SNCB: variants seen among roughly 807,000 people sequenced by gnomAD.
SNCB encodes synuclein beta.
SNCB carries 8 observed loss-of-function variants against 20.0 expected under a neutral mutation model. The ratio of observed to expected loss-of-function variants is 0.40; its 90% CI spans 0.24 to 0.72. The LOEUF is 0.72. Among genes scored for constraint, SNCB ranks in the 30% least tolerant of loss-of-function variants. SNCB has a pLI of 0.37. For synonymous variants in SNCB, 56 were observed against 65.4 expected, an observed-to-expected ratio of 0.86 and a Z score of 0.69; for missense variants, 125 against 168.0, an observed-to-expected ratio of 0.74 and a Z score of 1.41.
chr5:176,622,421 C>G (rs1254813827), intron 4 of SNCB, among the ~76,000 whole-genome samples: 3 of 152,070 alleles, frequency 2.0e-5, no homozygotes, highest in Non-Finnish European at 2.9e-5. Flanking sequence ...ACCCGGGAGG[C>G]GGAGTTTGCA....
rs746495416 is a variant in SNCB at position 176,629,453 on chromosome 5, C to G, written c.121+81G>C. On this transcript the variant is annotated intron_variant, in intron 2 of 5. Coordinates refer to ENST00000393693, the MANE Select transcript of SNCB (RefSeq NM_003085.5). The surrounding 1 kb of genome is among the most constrained non-coding windows in gnomAD (Gnocchi z 4.1). The stretch of plus-strand genomic sequence containing the variant: ...CTCATATTCTCCTGCCCAGAACCCC[C>G]CTCCCCGGGACCCGGCCCCAGCTCC... 2 of 1,497,798 alleles carry G rather than the reference C, an allele frequency of 1.3e-6. No individual in the cohort carries two copies. The highest frequency in any genetic ancestry group is 2.8e-5 in the African/African-American group (2 of 72,406). The allele number at this position is 1,497,798 out of a possible 1,614,324, so 92.8% of individuals were successfully genotyped here. A position where few individuals can be genotyped will look rare whatever the true frequency, so the allele number is the denominator to read the frequency against.
chr5:176,621,437 G>T lies in SNCB; in HGVS notation c.283-134C>A. 1 of 742,532 alleles carries T rather than the reference G, an allele frequency of 1.3e-6. No homozygotes were observed. The highest frequency in any genetic ancestry group is 2.4e-6 in the Non-Finnish European group (1 of 417,162). The allele number at this position is 742,532 out of a possible 1,614,324, so 46.0% of individuals were successfully genotyped here. A position where few individuals can be genotyped will look rare whatever the true frequency, so the allele number is the denominator to read the frequency against. On this transcript the variant is annotated intron_variant, in intron 4 of 5. Coordinates refer to ENST00000393693, the MANE Select transcript of SNCB (RefSeq NM_003085.5). The surrounding 1 kb of genome is among the most constrained non-coding windows in gnomAD (Gnocchi z 4.1). ...CAGAGCAAGGATAATTTCTAATTCA[G>T]TTATTTATTTGGAGTGCCTTGGAAG...
chr5:176,626,288 G>A lies in SNCB; in HGVS notation c.282+110C>T, dbSNP rs1759936007. 4 of 851,996 alleles carry A rather than the reference G, an allele frequency of 4.7e-6. No individual in the cohort carries two copies. The highest frequency in any genetic ancestry group is 1.7e-5 in the Admixed American group (1 of 58,496). 52.8% of individuals were successfully genotyped at this position (851,996 alleles called of 1,614,324 possible). A position where few individuals can be genotyped will look rare whatever the true frequency, so the allele number is the denominator to read the frequency against. ...AAAGTGGCTTGTGTTCCAAGCTGGT[G>A]GCAGGATTAGGGGGGCGGGGATGGT... is the stretch of plus-strand genomic sequence containing the variant. On this transcript the variant is annotated intron_variant, in intron 4 of 5. Coordinates refer to ENST00000393693, the MANE Select transcript of SNCB (RefSeq NM_003085.5). The surrounding 1 kb of genome is among the most constrained non-coding windows in gnomAD (Gnocchi z 4.2).
chr5:176,626,638 C>G lies in SNCB; in HGVS notation c.163+82G>C. The G allele has an allele frequency of 2.6e-6, 4 of 1,560,370 alleles. No homozygotes were observed. Among genetic ancestry groups the G allele is most frequent in the Non-Finnish European group, 2.7e-6 (3 of 1,131,298 alleles). On this transcript the variant is annotated intron_variant, in intron 3 of 5. Coordinates refer to ENST00000393693, the MANE Select transcript of SNCB (RefSeq NM_003085.5). The surrounding 1 kb of genome is among the most constrained non-coding windows in gnomAD (Gnocchi z 4.2). ...GCATTCCCGCAGAAGCCTTGGGAGT[C>G]TCCCCCGCCCCCGCCCTCTGGTTCC...
At position 176,629,369 on chromosome 5, in the gene SNCB, G is replaced by A. The variant is rs571557314; in HGVS notation, c.121+165C>T. 2.1e-5 allele frequency: 15 copies of A among 718,174 alleles called. No homozygotes were observed. In the African/African-American group the frequency reaches 2.5e-4, roughly 12 times the overall value. The allele number at this position is 718,174 out of a possible 1,614,324, so 44.5% of individuals were successfully genotyped here. ...GTCCCCATTTCCGGATACAGACCCAGGCTTCTATGGGCTGGCTATGTCCCC... is the reference window on the plus strand; with the variant it reads ...GTCCCCATTTCCGGATACAGACCCAAGCTTCTATGGGCTGGCTATGTCCCC... On this transcript the variant is annotated intron_variant, in intron 2 of 5. Coordinates refer to ENST00000393693, the MANE Select transcript of SNCB (RefSeq NM_003085.5). This position sits in a 1 kb window ranked among gnomAD's most constrained non-coding sequence, Gnocchi z 4.1.
Position 176,620,795 on chromosome 5 carries a change from G to T in SNCB, c.*16C>A, listed in dbSNP as rs751914853. On this transcript the variant is annotated 3_prime_UTR_variant, in exon 6 of 6. Transcript: ENST00000393693. The surrounding 1 kb of genome is among the most constrained non-coding windows in gnomAD (Gnocchi z 4.5). ...AGGGACAGAATTGTGCTGCTGGTGG[G>T]GGCTCTCCTGGGCCCCTACGCCTCT... 3.4e-5 allele frequency: 54 copies of T among 1,608,842 alleles called. No individual in the cohort carries two copies. Among genetic ancestry groups the T allele is most frequent in the Non-Finnish European group, 4.5e-5 (53 of 1,175,282 alleles).
At chr5:176,627,319 A>G (rs951975489) in intron 2 of SNCB, among the ~76,000 whole-genome samples, 1 of 152,210 alleles carries the variant, frequency 6.6e-6, no homozygotes, top group Non-Finnish European at 1.5e-5. Flanking sequence ...ACCACTGCCC[A>G]TAGCCCACTG....
intron 4 of SNCB, among the ~76,000 whole-genome samples, chr5:176,622,072 C>T (rs538934373): frequency 1.1e-3 from 165 of 152,334 alleles, no homozygotes; most frequent in African/African-American, 3.6e-3. Context: ...CCTGGGATCC[C>T]GGAGCATTGG....
chr5:176,628,747 G>A (rs1561902673), intron 2 of SNCB, among the ~76,000 whole-genome samples: 2 of 152,220 alleles, frequency 1.3e-5, no homozygotes, highest in Non-Finnish European at 2.9e-5. Context: ...AGGAGATCAG[G>A]AACCATTCTT....
At position 176,629,975 on chromosome 5, in the gene SNCB, C is replaced by A; in HGVS notation, c.-10+305G>T. On this transcript the variant is annotated intron_variant, in intron 1 of 5. Coordinates refer to ENST00000393693, the MANE Select transcript of SNCB (RefSeq NM_003085.5). This position sits in a 1 kb window ranked among gnomAD's most constrained non-coding sequence, Gnocchi z 4.1. ...AATATCCAGGACCCGCCTGTACACGCACGGCACAGTCACACGGTCATGCAC... is the reference window on the plus strand; with the variant it reads ...AATATCCAGGACCCGCCTGTACACGAACGGCACAGTCACACGGTCATGCAC... 3.1e-6 allele frequency: 1 copy of A among 322,982 alleles called. No homozygotes were observed. The highest frequency in any genetic ancestry group is 5.8e-6 in the Non-Finnish European group (1 of 171,232). 20.0% of individuals were successfully genotyped at this position (322,982 alleles called of 1,614,324 possible). A position where few individuals can be genotyped will look rare whatever the true frequency, so the allele number is the denominator to read the frequency against.
chr5:176,624,818 CA>C (rs1202696856), intron 4 of SNCB, among the ~76,000 whole-genome samples: 5 of 133,004 alleles, frequency 3.8e-5, no homozygotes, highest in Non-Finnish European at 4.6e-5. Flanking sequence ...AAAAAAAAAA[CA>C]AAAAAAAACA....
In SNCB at chr5:176,629,021, C is replaced by T. The variant is rs1218402815; in HGVS notation, c.121+513G>A. Among the ~76,000 whole-genome samples, 2 of 152,074 alleles carry T rather than the reference C, an allele frequency of 1.3e-5. No individual in the cohort carries two copies. Among genetic ancestry groups the T allele is most frequent in the East Asian group, 3.9e-4 (2 of 5,186 alleles). ...GCCTTGGAGGTGCTGGAGGGAGGCGCCACAAGGGGAGGGGTGGGGCTTCAG... is the reference window on the plus strand; with the variant it reads ...GCCTTGGAGGTGCTGGAGGGAGGCGTCACAAGGGGAGGGGTGGGGCTTCAG... On this transcript the variant is annotated intron_variant, in intron 2 of 5. Transcript: ENST00000393693. This position sits in a 1 kb window ranked among gnomAD's most constrained non-coding sequence, Gnocchi z 4.1.
chr5:176,625,211 G>A (rs2113394879), intron 4 of SNCB, among the ~76,000 whole-genome samples: 1 of 152,276 alleles, frequency 6.6e-6, no homozygotes, highest in African/African-American at 2.4e-5. Flanking sequence ...TCTCTTGCAG[G>A]GCATTCACTG....
At chr5:176,623,514 G>A (rs1296626051) in intron 4 of SNCB, among the ~76,000 whole-genome samples, 2 of 152,152 alleles carry the variant, frequency 1.3e-5, no homozygotes, top group Non-Finnish European at 2.9e-5. Context: ...CCATGCAAGT[G>A]AGACTCCATG....
intron 4 of SNCB, among the ~76,000 whole-genome samples, chr5:176,625,274 C>A (rs1759870384): frequency 6.6e-6 from 1 of 152,220 alleles, no homozygotes; most frequent in Admixed American, 6.5e-5. Context: ...CTCCCTGGAA[C>A]TGCGGCATCA....
At chr5:176,622,857 T>C (rs12517556) in intron 4 of SNCB, among the ~76,000 whole-genome samples, 149,315 of 151,516 alleles carry the variant, frequency 0.99, 73,608 homozygotes, top group Middle Eastern at 1. Flanking sequence ...CTGCCTCAGC[T>C]TCCCAAGTAG....
rs112754773 is a variant in SNCB, at chr5:176,621,769, G to A, written c.283-466C>T. On this transcript the variant is annotated intron_variant, in intron 4 of 5. Coordinates refer to ENST00000393693, the MANE Select transcript of SNCB (RefSeq NM_003085.5). This position sits in a 1 kb window ranked among gnomAD's most constrained non-coding sequence, Gnocchi z 4.1. ...TCATCCCTCCCCCGGGCCCTGTGTG[G>A]CCTCGTTTCTTCAGCTGTTGCTATT... Among the ~76,000 whole-genome samples, 309 of 152,302 alleles carry A rather than the reference G, an allele frequency of 2.0e-3. 1 individual carries two copies. The highest frequency in any genetic ancestry group is 7.1e-3 in the African/African-American group (297 of 41,582).
rs1412077431 is a variant in SNCB, at chr5:176,624,815, AAAC to A, written c.282+1580_282+1582del. Among the ~76,000 whole-genome samples the A allele has an allele frequency of 1.6e-3, 238 of 148,292 alleles. 1 individual carries two copies. Among genetic ancestry groups the A allele is most frequent in the African/African-American group, 6.0e-3 (229 of 38,376 alleles). On this transcript the variant is annotated intron_variant, in intron 4 of 5. Transcript: ENST00000393693. ...AAAACTCCGTCTCAAAAAAAAAAAA[AAAC>A]AAAAAAAAACAAATGGGAAGTCATA...
rs546751757 is a variant in SNCB, at chr5:176,620,759, G to C, written c.*52C>G. The C allele has an allele frequency of 9.1e-6, 12 of 1,318,778 alleles. No individual in the cohort carries two copies. The East Asian group carries it at 1.8e-4, about 20-fold the overall frequency. The allele number at this position is 1,318,778 out of a possible 1,614,324, so 81.7% of individuals were successfully genotyped here. Reference sequence around the variant, plus strand: ...AAGGACAGCCCTGGCTCTGGGGGGCGGGGCAGGGACAGGGACAGAATTGTG... The same window carrying C: ...AAGGACAGCCCTGGCTCTGGGGGGCCGGGCAGGGACAGGGACAGAATTGTG... On this transcript the variant is annotated 3_prime_UTR_variant, in exon 6 of 6. Transcript: ENST00000393693. This position sits in a 1 kb window ranked among gnomAD's most constrained non-coding sequence, Gnocchi z 4.5.
Sources: gnomAD v4.1 joint callset for allele counts (sites outside exome capture counted in the v4.1 genomes callset) on GRCh38, gnomAD v4.1.1 for gene constraint, Gnocchi (gnomAD v3.1) non-coding constraint, MANE v1.5 for transcripts, NCBI Gene and HGNC (gene_info 2026-07-23, HGNC 2026-07-21) for gene names.